ARID3C: variants seen among roughly 807,000 people sequenced by gnomAD.
ARID3C encodes the protein AT-rich interaction domain 3C.
ARID3C carries 42 observed loss-of-function variants against 37.9 expected under a neutral mutation model. The observed-to-expected ratio is 1.11, with a 90% CI of 0.87 to 1.43. The LOEUF (loss-of-function observed/expected upper bound fraction) is 1.43, where lower values mean the gene tolerates loss of function less well. Among genes scored for constraint, ARID3C ranks in the 40% most tolerant of loss-of-function variants. The pLI is 0.00. For missense variants in ARID3C, 581 were observed against 548.8 expected (o/e 1.06, Z -0.59); for synonymous variants, 213 against 228.0 (o/e 0.93, Z 0.59).
intron 5 of ARID3C, 27 bp downstream of exon 6, chr9:34,622,320 G>GC (rs1820582179): frequency 1.6e-5 from 26 of 1,587,058 alleles, no homozygotes; most frequent in Non-Finnish European, 2.2e-5. Context: ...CAGTCCCGAA[G>GC]CCCCCTCACA....
chr9:34,622,526 T>C, exon 5 of ARID3C: 1 of 1,601,530 alleles, frequency 6.2e-7, no homozygotes, highest in Non-Finnish European at 8.5e-7. Context: ...AATTCCACTC[T>C]CCTCTAGAAG....
intron 5 of ARID3C, 112 bp from the exon 7 acceptor site, chr9:34,622,221 C>T: frequency 6.4e-7 from 1 of 1,569,242 alleles, no homozygotes. Flanking sequence ...TTCAGCCCCA[C>T]ACCTATACTC....
At chr9:34,632,786 G>A (rs1357960154), upstream of ARID3C, among the ~76,000 whole-genome samples, 2 of 152,132 alleles carry the variant, frequency 1.3e-5, no homozygotes, top group Non-Finnish European at 2.9e-5. Flanking sequence ...GTGGTGGTGT[G>A]GGGCTGGGAG....
chr9:34,628,313 A>G (rs1208256555), upstream of ARID3C, among the ~76,000 whole-genome samples: 1 of 152,146 alleles, frequency 6.6e-6, no homozygotes, highest in Admixed American at 6.5e-5. This position sits in a 1 kb window ranked among gnomAD's most constrained non-coding sequence, Gnocchi z 5.2. Context: ...GGACCAAGAG[A>G]CATCGGGAAA....
At chr9:34,630,881 G>A (rs1820717159), upstream of ARID3C, among the ~76,000 whole-genome samples, 1 of 152,116 alleles carries the variant, frequency 6.6e-6, no homozygotes, top group Non-Finnish European at 1.5e-5. Context: ...AAGCTCCAGT[G>A]ATCCAATCAC....
chr9:34,631,748 C>G (rs925552919), upstream of ARID3C, among the ~76,000 whole-genome samples: 2 of 152,210 alleles, frequency 1.3e-5, no homozygotes, highest in Admixed American at 1.3e-4. Context: ...TATTTTCTCA[C>G]AATTCTGTGG....
chr9:34,624,575 A>T (rs1158624083), intron 2 of ARID3C, among the ~76,000 whole-genome samples: 1 of 152,150 alleles, frequency 6.6e-6, no homozygotes, highest in East Asian at 1.9e-4. Context: ...GTGGCTGCCC[A>T]AGGCTGGGGG....
intron 4 of ARID3C, 61 bp downstream of exon 5, chr9:34,623,364 A>G (rs1261402628): frequency 2.1e-6 from 3 of 1,443,550 alleles, no homozygotes; most frequent in Admixed American, 2.6e-5. Context: ...AATGGTTGCT[A>G]TATCTTAGCG....
chr9:34,622,402 T>G, exon 5 of ARID3C: 1 of 1,613,858 alleles, frequency 6.2e-7, no homozygotes, highest in Non-Finnish European at 8.5e-7. Flanking sequence ...AAGGTCGAGG[T>G]GGGTCCATAG....
At chr9:34,623,617 G>T in exon 4 of ARID3C, 1 of 1,606,736 alleles carries the variant, frequency 6.2e-7, no homozygotes, top group Non-Finnish European at 8.5e-7. Context: ...GCCTGGCGAC[G>T]GCCCTCGCGC....
upstream of ARID3C, among the ~76,000 whole-genome samples, chr9:34,629,363 C>T (rs1318576613): frequency 6.6e-6 from 1 of 152,270 alleles, no homozygotes; most frequent in African/African-American, 2.4e-5. Flanking sequence ...CACACCAACA[C>T]ACCTTGTCAC....
At position 34,627,693 on chromosome 9, in the gene ARID3C, C is replaced by T. The variant is rs748633914; in HGVS notation, c.318+4G>A. Reference sequence around the variant, plus strand: ...GGGCCGGACATTGAGGGCATAGGTCCTACCTGCTTGAATTGTTCCTCGTAG... The same window carrying T: ...GGGCCGGACATTGAGGGCATAGGTCTTACCTGCTTGAATTGTTCCTCGTAG... On this transcript the variant is annotated splice_donor_region_variant and intron_variant, in intron 1 of 6. Transcript: ENST00000378909. The T allele has an allele frequency of 6.2e-7, 1 of 1,606,626 alleles. No individual in the cohort carries two copies. The highest frequency in any genetic ancestry group is 2.2e-5 in the East Asian group (1 of 44,756).
chr9:34,622,200 C>T lies in ARID3C; in HGVS notation c.1049-91G>A, dbSNP rs147528162. On this transcript the variant is annotated intron_variant, in intron 5 of 6. Transcript: ENST00000378909. ...TCCCCCCTCCATCCCCGTAGACAGC[C>T]CCCATTCCACTTCAGCCCCACACCT... is the stretch of plus-strand genomic sequence containing the variant. The T allele has an allele frequency of 6.8e-5, 108 of 1,578,628 alleles. No homozygotes were observed. In the East Asian group the frequency reaches 2.4e-3, roughly 34 times the overall value.
At chr9:34,622,209 A>G in intron 5 of ARID3C, 100 bp from the exon 7 acceptor site, 1 of 1,567,890 alleles carries the variant, frequency 6.4e-7, no homozygotes, top group Non-Finnish European at 8.7e-7. Flanking sequence ...CCCCCATTCC[A>G]CTTCAGCCCC....
upstream of ARID3C, among the ~76,000 whole-genome samples, chr9:34,628,790 C>T (rs898544078): frequency 2.6e-5 from 4 of 152,174 alleles, no homozygotes; most frequent in African/African-American, 9.7e-5. This position sits in a 1 kb window ranked among gnomAD's most constrained non-coding sequence, Gnocchi z 5.2. Flanking sequence ...AGGACAGGGA[C>T]CAAGGAGTCG....
intron 2 of ARID3C, 81 bp downstream of exon 3, chr9:34,625,661 A>C (rs771942798): frequency 1.5e-4 from 220 of 1,513,954 alleles, no homozygotes; most frequent in Middle Eastern, 4.1e-4. Flanking sequence ...CTCAGGCCTC[A>C]GCAGGGAGAA....
upstream of ARID3C, among the ~76,000 whole-genome samples, chr9:34,630,574 C>T (rs1328066067): frequency 6.6e-6 from 1 of 152,158 alleles, no homozygotes; most frequent in Non-Finnish European, 1.5e-5. Context: ...CCTCCCTTGT[C>T]CTCTCCCAAT....
At chr9:34,623,800 T>TCCCCCCC in intron 3 of ARID3C, 64 bp downstream of exon 4, 14 of 1,217,922 alleles carry the variant, frequency 1.1e-5, no homozygotes, top group African/African-American at 1.5e-5. Context: ...CCGGGGACCC[T>TCCCCCCC]CCCCCCTCCC....
chr9:34,621,587 G>A (rs1278613677), intron 6 of ARID3C, 29 bp from the exon 8 acceptor site: 2 of 1,527,038 alleles, frequency 1.3e-6, no homozygotes, highest in African/African-American at 2.8e-5. Flanking sequence ...GATGGTAGAG[G>A]GCAAAAACAA....
Sources: allele counts gnomAD v4.1 joint callset (sites outside exome capture counted in the v4.1 genomes callset), GRCh38; gene constraint gnomAD v4.1.1; non-coding constraint Gnocchi (gnomAD v3.1); transcripts MANE v1.5; gene names NCBI Gene and HGNC (gene_info 2026-07-23, HGNC 2026-07-21).